PTPDC1: variants seen among roughly 807,000 people sequenced by gnomAD.
The protein encoded by PTPDC1 is protein tyrosine phosphatase domain-containing protein 1.
Under a neutral mutation model 75.3 loss-of-function variants are expected in PTPDC1, and 53 were observed. The observed-to-expected ratio is 0.70, with a 90% CI of 0.56 to 0.88. The LOEUF is 0.88. Ranked by LOEUF, PTPDC1 falls within the 40% of genes least tolerant of loss-of-function variation. The pLI is 0.00. For synonymous variants in PTPDC1, 349 were observed against 366.2 expected (o/e 0.95, Z 0.54); for missense variants, 925 against 998.6 (o/e 0.93, Z 0.99).
In PTPDC1 at chr9:94,104,721, GT is replaced by G. The variant is rs111790126; in HGVS notation, c.2310+337del. ...AATCAGAGTCAGAGAATCTTTGCTT[GT>G]CGAGTCAGTTCTACCTTGGGTGTAA... On this transcript the variant is annotated intron_variant, in intron 8 of 8. Transcript: ENST00000620992. Among the ~76,000 whole-genome samples the G allele has an allele frequency of 1.7e-3, 252 of 152,284 alleles. 2 individuals are homozygous for G. Among genetic ancestry groups the G allele is most frequent in the African/African-American group, 5.8e-3 (241 of 41,564 alleles).
intron 1 of PTPDC1, among the ~76,000 whole-genome samples, chr9:94,042,524 A>G (rs1431653905): frequency 2.0e-5 from 3 of 152,204 alleles, no homozygotes; most frequent in Non-Finnish European, 4.4e-5. Flanking sequence ...AAAAAAAATA[A>G]TGTATATACG....
chr9:94,053,406 C>T (rs757391125), intron 1 of PTPDC1, among the ~76,000 whole-genome samples: 4 of 151,454 alleles, frequency 2.6e-5, no homozygotes, highest in Non-Finnish European at 4.4e-5. Flanking sequence ...GTTATAAATT[C>T]AGAGGTGAGG....
chr9:94,095,527 G>T, intron 5 of PTPDC1, 73 bp downstream of exon 5: 1 of 1,255,252 alleles, frequency 8.0e-7, no homozygotes, highest in South Asian at 1.4e-5. Flanking sequence ...CCTAATTTGA[G>T]GGTAAATGTT....
intron 1 of PTPDC1, among the ~76,000 whole-genome samples, chr9:94,031,477 T>C (rs1460936007): frequency 1.3e-5 from 2 of 151,928 alleles, no homozygotes; most frequent in African/African-American, 4.8e-5. Context: ...GAAGAAACAC[T>C]GGAAGCCAAG....
intron 4 of PTPDC1, among the ~76,000 whole-genome samples, chr9:94,092,972 A>G (rs11515608): frequency 0.048 from 6,724 of 139,470 alleles, 278 homozygotes; most frequent in African/African-American, 0.078. Context: ...TTGAGCCTCT[A>G]TGTGTCTCTG....
intron 2 of PTPDC1, among the ~76,000 whole-genome samples, chr9:94,075,969 T>G (rs2117928305): frequency 2.0e-5 from 3 of 151,994 alleles, no homozygotes; most frequent in African/African-American, 7.2e-5. Context: ...ACCTTGTGCT[T>G]TTTTGTTTTG....
At chr9:94,041,418 C>G (rs1375150580) in intron 1 of PTPDC1, among the ~76,000 whole-genome samples, 1 of 152,136 alleles carries the variant, frequency 6.6e-6, no homozygotes, top group Non-Finnish European at 1.5e-5. Context: ...AGCTTAAATT[C>G]TTATAAAGAG....
chr9:94,105,731 G>A (rs1166192045), intron 8 of PTPDC1, among the ~76,000 whole-genome samples: 2 of 151,138 alleles, frequency 1.3e-5, no homozygotes, highest in Non-Finnish European at 2.9e-5. Context: ...CACTTTGGGA[G>A]GCCAAGGTGG....
chr9:94,033,299 T>C (rs984301192), intron 1 of PTPDC1, among the ~76,000 whole-genome samples: 8 of 152,222 alleles, frequency 5.3e-5, no homozygotes, highest in African/African-American at 1.9e-4. Flanking sequence ...GTTACTTATA[T>C]ATTTCTTTTT....
chr9:94,039,582 A>G (rs569104874), intron 1 of PTPDC1, among the ~76,000 whole-genome samples: 17 of 152,224 alleles, frequency 1.1e-4, no homozygotes, highest in Non-Finnish European at 1.9e-4. Flanking sequence ...TCAGGAATTC[A>G]AGACCAGCCT....
chr9:94,060,873 G>A (rs919557909), intron 1 of PTPDC1, among the ~76,000 whole-genome samples: 4 of 152,084 alleles, frequency 2.6e-5, no homozygotes, highest in African/African-American at 7.2e-5. Context: ...ATGAGAGTTC[G>A]GTGGGGATGC....
intron 1 of PTPDC1, among the ~76,000 whole-genome samples, chr9:94,050,223 C>A (rs1825743922): frequency 6.6e-6 from 1 of 152,184 alleles, no homozygotes; most frequent in Non-Finnish European, 1.5e-5. Context: ...TCATCAAAGT[C>A]ATTCTCCGTC....
At chr9:94,047,088 A>G (rs1368054697) in intron 1 of PTPDC1, among the ~76,000 whole-genome samples, 1 of 152,210 alleles carries the variant, frequency 6.6e-6, no homozygotes, top group Non-Finnish European at 1.5e-5. Flanking sequence ...CCTTTTCTGC[A>G]TCTATTGAGA....
At chr9:94,097,212 A>C (rs988432083) in intron 5 of PTPDC1, 109 bp from the exon 6 acceptor site, 11 of 751,644 alleles carry the variant, frequency 1.5e-5, no homozygotes, top group African/African-American at 3.5e-5. Flanking sequence ...GTCTCTATTT[A>C]TATGGTTTCT....
At chr9:94,072,191 A>C (rs750673117) in intron 2 of PTPDC1, among the ~76,000 whole-genome samples, 1 of 152,174 alleles carries the variant, frequency 6.6e-6, no homozygotes, top group Non-Finnish European at 1.5e-5. Flanking sequence ...TATTTTTAGC[A>C]GAGACGGTTT....
chr9:94,069,305 C>G (rs116423581), intron 2 of PTPDC1, among the ~76,000 whole-genome samples: 1 of 152,162 alleles, frequency 6.6e-6, no homozygotes, highest in Non-Finnish European at 1.5e-5. Flanking sequence ...TATACCAAAT[C>G]CATGCATACT....
chr9:94,078,402 A>G (rs1230166294), intron 2 of PTPDC1, among the ~76,000 whole-genome samples: 1 of 152,138 alleles, frequency 6.6e-6, no homozygotes, highest in African/African-American at 2.4e-5. Context: ...CTTTGTACAC[A>G]AGGAGTCATT....
chr9:94,107,836 T>C lies in PTPDC1; in HGVS notation c.2319T>C (p.Phe773=). The C allele has an allele frequency of 6.3e-7, 1 of 1,591,332 alleles. No homozygotes were observed. The highest frequency in any genetic ancestry group is 8.6e-7 in the Non-Finnish European group (1 of 1,168,720). The part of the protein sequence containing the change: ...HAIKAFTKVN[F]DSENGPTVYN... ...AATTTCTTTGTCACCAGGTTAATTT[T>C]GATTCTGAAAATGGACCAACAGTTT... Residue 773 remains phenylalanine, a synonymous_variant, in exon 9 of 9, where the codon TTT becomes TTC. Transcript: ENST00000620992.
intron 7 of PTPDC1, among the ~76,000 whole-genome samples, chr9:94,103,764 T>G (rs1362939941): frequency 6.6e-6 from 1 of 152,132 alleles, no homozygotes; most frequent in Non-Finnish European, 1.5e-5. Context: ...CCCCCTTAGG[T>G]TGGAGGCTAA....
Sources: allele counts gnomAD v4.1 joint callset (sites outside exome capture counted in the v4.1 genomes callset), GRCh38; gene constraint gnomAD v4.1.1; transcripts MANE v1.5; gene names NCBI Gene and HGNC (gene_info 2026-07-23, HGNC 2026-07-21).